Variants in CATSPERE observed in about 807,000 individuals in gnomAD.
CATSPERE encodes catsper channel auxiliary subunit epsilon.
Under a neutral mutation model 114.1 loss-of-function variants are expected in CATSPERE, and 93 were observed. The ratio of observed to expected loss-of-function variants is 0.81; its 90% CI spans 0.69 to 0.97. The LOEUF (loss-of-function observed/expected upper bound fraction) is 0.97, where lower values mean the gene tolerates loss of function less well. CATSPERE is among the 50% of genes least tolerant of loss of function. The pLI, the probability that CATSPERE is intolerant of heterozygous loss-of-function variation, is 0.00. For missense variants in CATSPERE, 1,058 were observed against 1,131.6 expected (o/e 0.93, Z 0.93); for synonymous variants, 341 against 384.1 (o/e 0.89, Z 1.31).
At chr1:244,475,537 ATT>A (rs35023936) in intron 2 of CATSPERE, among the ~76,000 whole-genome samples, 30 of 117,126 alleles carry the variant, frequency 2.6e-4, no homozygotes, top group African/African-American at 6.7e-4. Flanking sequence ...CCTGGCCACA[ATT>A]TTTTTTTTTT....
intron 2 of CATSPERE, among the ~76,000 whole-genome samples, chr1:244,464,696 CATT>C (rs1197608894): frequency 6.6e-6 from 1 of 151,940 alleles, no homozygotes; most frequent in Non-Finnish European, 1.5e-5. Context: ...TTACCAATCT[CATT>C]ATTATCCAGT....
chr1:244,621,139 A>AT (rs1255516490), intron 20 of CATSPERE, among the ~76,000 whole-genome samples: 26 of 43,960 alleles, frequency 5.9e-4, no homozygotes, highest in South Asian at 2.6e-3. Flanking sequence ...ATATATATAA[A>AT]ATATATATAT....
At chr1:244,533,661 C>T (rs1038740039) in intron 8 of CATSPERE, among the ~76,000 whole-genome samples, 1 of 152,060 alleles carries the variant, frequency 6.6e-6, no homozygotes, top group African/African-American at 2.4e-5. Context: ...ACACTTTAAC[C>T]TTGTACCCCT....
intron 17 of CATSPERE, chr1:244,598,419 A>G (rs1668727710): frequency 6.1e-6 from 1 of 163,650 alleles, no homozygotes; most frequent in African/African-American, 2.4e-5. Flanking sequence ...TAAGGCAGTG[A>G]CCAATTCTTT....
intron 8 of CATSPERE, among the ~76,000 whole-genome samples, chr1:244,531,378 T>C (rs946059329): frequency 8.5e-5 from 13 of 152,250 alleles, no homozygotes; most frequent in African/African-American, 3.1e-4. Flanking sequence ...TGAATAACAG[T>C]AGTGAAAGTG....
chr1:244,622,496 C>T (rs1215834265), intron 20 of CATSPERE, among the ~76,000 whole-genome samples: 2 of 150,414 alleles, frequency 1.3e-5, no homozygotes, highest in Non-Finnish European at 3.0e-5. Context: ...CTCCACCTCC[C>T]GGGTTCAAGA....
chr1:244,611,692 T>C (rs538590473), intron 19 of CATSPERE, among the ~76,000 whole-genome samples: 44 of 152,286 alleles, frequency 2.9e-4, no homozygotes, highest in African/African-American at 6.0e-4. Context: ...TGATTTTTCA[T>C]TGAAGGACAT....
intron 7 of CATSPERE, among the ~76,000 whole-genome samples, chr1:244,499,743 T>C (rs1010209505): frequency 2.0e-5 from 3 of 152,318 alleles, no homozygotes; most frequent in African/African-American, 4.8e-5. Flanking sequence ...CAGTCTCTCA[T>C]TGATGGGCAT....
chr1:244,544,003 A>G (rs1659318940), intron 8 of CATSPERE, among the ~76,000 whole-genome samples: 1 of 152,150 alleles, frequency 6.6e-6, no homozygotes. Flanking sequence ...CTAACTCAAT[A>G]CCAGAAAAAT....
intron 17 of CATSPERE, among the ~76,000 whole-genome samples, chr1:244,596,256 C>G (rs556988535): frequency 1.3e-5 from 2 of 152,316 alleles, no homozygotes; most frequent in African/African-American, 4.8e-5. Context: ...TTCCCCCCTT[C>G]TAGAAAATTC....
intron 8 of CATSPERE, among the ~76,000 whole-genome samples, chr1:244,520,495 C>T (rs1446450929): frequency 1.3e-5 from 2 of 152,192 alleles, no homozygotes; most frequent in Admixed American, 6.5e-5. Flanking sequence ...CATTGCCCTA[C>T]ATATTCATCC....
chr1:244,548,109 GT>G (rs137984860), intron 8 of CATSPERE, among the ~76,000 whole-genome samples: 2,182 of 152,378 alleles, frequency 0.014, 59 homozygotes, highest in African/African-American at 0.046. Context: ...TGCAAAAATT[GT>G]GAAGATATTT....
intron 8 of CATSPERE, among the ~76,000 whole-genome samples, chr1:244,531,054 C>T (rs1022181670): frequency 2.0e-5 from 3 of 151,208 alleles, no homozygotes; most frequent in South Asian, 2.1e-4. Context: ...ATGCTGAAAT[C>T]CCATCTCTAC....
chr1:244,459,045 A>G (rs765411621), upstream of CATSPERE, among the ~76,000 whole-genome samples: 3 of 151,936 alleles, frequency 2.0e-5, no homozygotes, highest in African/African-American at 7.3e-5. Context: ...GGAATTTTCA[A>G]ATACCAACTC....
intron 7 of CATSPERE, among the ~76,000 whole-genome samples, chr1:244,505,733 G>A (rs866253681): frequency 4.6e-5 from 7 of 152,060 alleles, no homozygotes; most frequent in Admixed American, 2.0e-4. Flanking sequence ...TTGGCTGGGC[G>A]TGGTGGCTCA....
chr1:244,519,025 TACACACACAC>T (rs769775193), intron 8 of CATSPERE, among the ~76,000 whole-genome samples: 125 of 150,002 alleles, frequency 8.3e-4, no homozygotes, highest in African/African-American at 3.0e-3. Flanking sequence ...TACACACACA[TACACACACAC>T]ACACACACCA....
At chr1:244,512,353 G>T (rs910779752) in intron 7 of CATSPERE, among the ~76,000 whole-genome samples, 1 of 152,062 alleles carries the variant, frequency 6.6e-6, no homozygotes, top group Non-Finnish European at 1.5e-5. Flanking sequence ...TTAATTTTAT[G>T]CATTGAATTC....
At chr1:244,524,339 A>G (rs1678144179) in intron 8 of CATSPERE, among the ~76,000 whole-genome samples, 1 of 150,954 alleles carries the variant, frequency 6.6e-6, no homozygotes, top group East Asian at 1.9e-4. Flanking sequence ...AAATCAATTC[A>G]AGATGGATTA....
chr1:244,501,066 G>A (rs976368839), intron 7 of CATSPERE, among the ~76,000 whole-genome samples: 4 of 152,118 alleles, frequency 2.6e-5, no homozygotes, highest in Non-Finnish European at 5.9e-5. Flanking sequence ...CACATCCCTT[G>A]TAAGTTGTAT....
Sources: allele counts gnomAD v4.1 joint callset (sites outside exome capture counted in the v4.1 genomes callset), GRCh38; gene constraint gnomAD v4.1.1; transcripts MANE v1.5; gene names NCBI Gene and HGNC (gene_info 2026-07-23, HGNC 2026-07-21).